Variants in SCN10A observed in about 807,000 individuals in gnomAD.
SCN10A encodes the protein sodium voltage-gated channel alpha subunit 10.
A neutral mutation model predicts 170.7 loss-of-function variants in SCN10A; 162 were observed. The ratio of observed to expected loss-of-function variants is 0.95; its 90% confidence interval spans 0.84 to 1.08. The LOEUF (loss-of-function observed/expected upper bound fraction) is 1.08. Among genes scored for constraint, SCN10A ranks in the 50% least tolerant of loss-of-function variants. The probability of loss-of-function intolerance (pLI) is 0.00; values close to 1 mark genes in which losing one functional copy is unlikely to be tolerated. For missense variants in SCN10A, 2,527 were observed against 2,436.9 expected (o/e 1.04, Z -0.78); for synonymous variants, 985 against 904.6 (o/e 1.09, Z -1.59).
intron 1 of SCN10A, among the ~76,000 whole-genome samples, chr3:38,809,157 T>C (rs1218340690): frequency 1.3e-5 from 2 of 152,348 alleles, no homozygotes; most frequent in African/African-American, 2.4e-5. Flanking sequence ...AGGTTGACTT[T>C]GCAGTAGCAA....
At chr3:38,745,617 C>T (rs62242453) in intron 13 of SCN10A, among the ~76,000 whole-genome samples, 12,560 of 152,096 alleles carry the variant, frequency 0.083, 721 homozygotes, top group East Asian at 0.19. Context: ...CATTTCTTCA[C>T]CTCTCACCCG....
intron 4 of SCN10A, among the ~76,000 whole-genome samples, chr3:38,781,828 T>C (rs1478457325): frequency 6.6e-6 from 1 of 152,130 alleles, no homozygotes; most frequent in African/African-American, 2.4e-5. Context: ...TGGCATCTCT[T>C]ATTTGCTTTT....
chr3:38,718,627 C>T (rs200737144), intron 21 of SCN10A, 26 bp downstream of exon 21: 3 of 1,612,680 alleles, frequency 1.9e-6, no homozygotes, highest in Non-Finnish European at 2.5e-6. Context: ...ACCCCAAACC[C>T]CACGTGTTCC....
chr3:38,744,981 G>A (rs2063671684), intron 13 of SCN10A, among the ~76,000 whole-genome samples: 1 of 152,140 alleles, frequency 6.6e-6, no homozygotes, highest in African/African-American at 2.4e-5. Flanking sequence ...GCACATCCTG[G>A]GACCAAAATC....
At chr3:38,803,124 G>A (rs1415973981) in intron 1 of SCN10A, among the ~76,000 whole-genome samples, 4 of 152,170 alleles carry the variant, frequency 2.6e-5, no homozygotes, top group Non-Finnish European at 5.9e-5. Flanking sequence ...CAGTTAGAAT[G>A]GCAATCATTA....
At chr3:38,753,490 C>A (rs2063771026) in intron 11 of SCN10A, among the ~76,000 whole-genome samples, 1 of 152,130 alleles carries the variant, frequency 6.6e-6, no homozygotes, top group Non-Finnish European at 1.5e-5. Context: ...TACTAATCCC[C>A]TTATCTCACA....
In SCN10A at chr3:38,698,500, C is replaced by T. The variant is rs1293275271; in HGVS notation, c.4720G>A (p.Val1574Ile). The change falls in exon 28 of 28, where the codon GTC becomes ATC. Residue 1574 changes from valine (V) to isoleucine (I), a missense_variant. Transcript: ENST00000449082. The part of the protein sequence containing the change: ...QSYFSPTLFR[V>I]IRLARIGRIL... Reference sequence around the variant, plus strand: ...CGGCCAATTCGGGCCAGGCGGATGACTCTGAAGAGCGTTGGGGAGAAGTAA... The same window carrying T: ...CGGCCAATTCGGGCCAGGCGGATGATTCTGAAGAGCGTTGGGGAGAAGTAA... 6.2e-7 allele frequency: 1 copy of T among 1,614,162 alleles called. No homozygotes were observed. Among genetic ancestry groups the T allele is most frequent in the Non-Finnish European group, 8.5e-7 (1 of 1,180,022 alleles).
At chr3:38,740,527 A>G (rs1231936339) in intron 14 of SCN10A, among the ~76,000 whole-genome samples, 1 of 152,238 alleles carries the variant, frequency 6.6e-6, no homozygotes, top group African/African-American at 2.4e-5. Context: ...AAGAGTATCT[A>G]TGGAGTGTCC....
At chr3:38,730,251 A>G (rs1278944592) in intron 15 of SCN10A, among the ~76,000 whole-genome samples, 1 of 152,230 alleles carries the variant, frequency 6.6e-6, no homozygotes, top group African/African-American at 2.4e-5. Flanking sequence ...TACCAGCTAC[A>G]GGAGGAAAAT....
rs1575982996 is a variant in SCN10A, at chr3:38,739,568, C to T, written c.2227G>A (p.Glu743Lys). 1 of 1,614,180 alleles carries T rather than the reference C, an allele frequency of 6.2e-7. No homozygotes were observed. The change falls in exon 15 of 28, where the codon GAG (glutamate) becomes AAG (lysine). Residue 743 changes from glutamate (E) to lysine (K), a missense_variant. By Grantham distance (56) the Glu-to-Lys change is moderately conservative. Transcript: ENST00000449082. The part of the protein sequence containing the change: ...DCIIVTVSLL[E>K]LGVAKKGSLS... ...CTTCCCTTCTTGGCCACGCCCAGCT[C>T]TAGCAGACTCACAGTGACGATGATG...
chr3:38,738,084 A>G (rs2063590162), intron 15 of SCN10A, among the ~76,000 whole-genome samples: 1 of 151,550 alleles, frequency 6.6e-6, no homozygotes, highest in Non-Finnish European at 1.5e-5. Context: ...AGGATAACAG[A>G]TGTGCACCAC....
intron 4 of SCN10A, among the ~76,000 whole-genome samples, chr3:38,781,900 A>G (rs2064143398): frequency 6.6e-6 from 1 of 152,258 alleles, no homozygotes; most frequent in East Asian, 1.9e-4. Context: ...TTACAAATAT[A>G]TAGATTACTA....
rs1318134365 is a variant in SCN10A, at chr3:38,719,538, C to T, written c.3508-712G>A. On this transcript the variant is annotated intron_variant, in intron 20 of 27. Transcript: ENST00000449082. ...CCTCCCAAGTAGCTGGGACTACAGGCGCCCGCCACTACGCCCGGCTAATTT... is the reference window on the plus strand; with the variant it reads ...CCTCCCAAGTAGCTGGGACTACAGGTGCCCGCCACTACGCCCGGCTAATTT... Among the ~76,000 whole-genome samples, 5 of 150,514 alleles carry T rather than the reference C, an allele frequency of 3.3e-5. No homozygotes were observed. In the East Asian group the frequency reaches 5.9e-4, roughly 18 times the overall value.
At chr3:38,799,956 C>T (rs2064361750) in intron 1 of SCN10A, among the ~76,000 whole-genome samples, 2 of 152,106 alleles carry the variant, frequency 1.3e-5, no homozygotes, top group African/African-American at 4.8e-5. Context: ...CTCTGGGATC[C>T]CTGGTCCATC....
At position 38,728,614 on chromosome 3, in the gene SCN10A, G is replaced by C; in HGVS notation, c.2568C>G (p.Ala856=). The part of the protein sequence containing the change: ...LCGEWIENMW[A]CMEVGQKSIC... The stretch of plus-strand genomic sequence containing the variant: ...TGGATTTTTGGCCAACTTCCATGCA[G>C]GCCCACATGTTCTCAATCCACTCTC... Residue 856 remains alanine, a synonymous_variant, in exon 16 of 28, where the codon GCC becomes GCG. Transcript: ENST00000449082. 1 of 1,613,228 alleles carries C rather than the reference G, an allele frequency of 6.2e-7. No homozygotes were observed. The highest frequency in any genetic ancestry group is 8.5e-7 in the Non-Finnish European group (1 of 1,179,242).
Position 38,794,139 on chromosome 3 carries a change from C to T in SCN10A, c.-32-97G>A, listed in dbSNP as rs1194299869. ...TCTTGATTGTCAGAACAGCCCTTCT[C>T]CCACCCTCATATCTGGCCCCTCCCT... On this transcript the variant is annotated intron_variant, in intron 1 of 27. Coordinates refer to ENST00000449082, the MANE Select transcript of SCN10A (RefSeq NM_006514.4). 11 of 842,264 alleles carry T rather than the reference C, an allele frequency of 1.3e-5. No individual in the cohort carries two copies. The East Asian group carries it at 1.8e-4, about 13-fold the overall frequency. 52.2% of individuals were successfully genotyped at this position (842,264 alleles called of 1,614,324 possible).
chr3:38,756,301 T>TAAA (rs57346275), intron 10 of SCN10A, among the ~76,000 whole-genome samples: 1 of 142,562 alleles, frequency 7.0e-6, no homozygotes, highest in Non-Finnish European at 1.6e-5. Flanking sequence ...ATGGGGAGGG[T>TAAA]AAAAAAAAAA....
rs148619598 is a variant in SCN10A at position 38,707,287 on chromosome 3, G to T, written c.4378C>A (p.Arg1460=). ...GSKKPQKPIP[R]PLNKFQGFVF... is the part of the protein sequence containing the mutation. ...AAACCTCTGGGGCTCACCAGGGGCC[G>T]TGGGATGGGCTTCTGGGGCTTCTTG... The change falls in exon 26 of 28, where the codon CGG becomes AGG. Residue 1460 remains arginine (R), a synonymous_variant. Transcript: ENST00000449082. The T allele has an allele frequency of 6.8e-6, 11 of 1,613,950 alleles. No homozygotes were observed. Among genetic ancestry groups the T allele is most frequent in the Middle Eastern group, 3.4e-4 (2 of 5,948 alleles).
At position 38,697,150 on chromosome 3, in the gene SCN10A, T is replaced by C; in HGVS notation, c.*199A>G. ...AGAAGGGAAATCACAGTGGAAGTGC[T>C]CTTAGCTTCTGACTCCTATTTGTGT... On this transcript the variant is annotated 3_prime_UTR_variant, in exon 28 of 28. Coordinates refer to ENST00000449082, the MANE Select transcript of SCN10A (RefSeq NM_006514.4). The C allele has an allele frequency of 1.4e-6, 1 of 707,070 alleles. No homozygotes were observed. The highest frequency in any genetic ancestry group is 2.1e-5 in the South Asian group (1 of 47,044). 43.8% of individuals were successfully genotyped at this position (707,070 alleles called of 1,614,324 possible).
Sources: gnomAD v4.1 joint callset for allele counts (sites outside exome capture counted in the v4.1 genomes callset) on GRCh38, gnomAD v4.1.1 for gene constraint, MANE v1.5 for transcripts, NCBI Gene and HGNC (gene_info 2026-07-23, HGNC 2026-07-21) for gene names.